Variants in RUNX3 observed in about 807,000 individuals in gnomAD.
The protein encoded by RUNX3 is runt-related transcription factor 3.
In RUNX3, 10 loss-of-function variants were observed where a neutral mutation model predicts 27.7. The observed-to-expected ratio is 0.36, with a 90% CI of 0.22 to 0.61. The LOEUF is 0.61. RUNX3 is among the 20% of genes least tolerant of loss of function. The pLI is 0.72. For synonymous variants in RUNX3, 270 were observed against 269.2 expected (o/e 1.00, Z -0.03); for missense variants, 469 against 629.5 (o/e 0.75, Z 2.73).
At chr1:24,938,858 C>G (rs375359051) in intron 2 of RUNX3, among the ~76,000 whole-genome samples, 1 of 152,138 alleles carries the variant, frequency 6.6e-6, no homozygotes, top group Non-Finnish European at 1.5e-5. Flanking sequence ...CGGAACCTGC[C>G]AGAGCCTTGA....
At chr1:24,955,961 G>T (rs558928426) in intron 2 of RUNX3, among the ~76,000 whole-genome samples, 1 of 152,246 alleles carries the variant, frequency 6.6e-6, no homozygotes, top group Non-Finnish European at 1.5e-5. Flanking sequence ...TCCTAAGTCC[G>T]CTGGGGACGT....
intron 2 of RUNX3, among the ~76,000 whole-genome samples, chr1:24,921,098 A>G (rs1435129691): frequency 6.6e-6 from 1 of 152,178 alleles, no homozygotes; most frequent in African/African-American, 2.4e-5. Context: ...ATGGTCAAGG[A>G]GAGAGGCTGC....
At chr1:24,965,060 G>A (rs1250876251), upstream of RUNX3, 11 of 166,894 alleles carry the variant, frequency 6.6e-5, 1 homozygote, top group South Asian at 1.3e-3. The surrounding 1 kb of genome is among the most constrained non-coding windows in gnomAD (Gnocchi z 5.4). Flanking sequence ...GAGGGCGGCC[G>A]GGGGTGGGGA....
rs1640625863 is a variant in RUNX3 at position 24,904,592 on chromosome 1, G to C, written c.704-1926C>G. ...TGGGCACGTCAGCACAGCTGAGATG[G>C]GTGGGGTGGAAGTGGGTGCTGGCCG... On this transcript the variant is annotated intron_variant, in intron 4 of 4. Transcript: ENST00000308873. The surrounding 1 kb of genome is among the most constrained non-coding windows in gnomAD (Gnocchi z 5.7). Among the ~76,000 whole-genome samples the C allele has an allele frequency of 6.6e-6, 1 of 152,184 alleles. No individual in the cohort carries two copies. The highest frequency in any genetic ancestry group is 1.5e-5 in the Non-Finnish European group (1 of 68,020).
chr1:24,930,360 G>A (rs948483132), upstream of RUNX3: 3 of 419,260 alleles, frequency 7.2e-6, no homozygotes, highest in Non-Finnish European at 9.6e-6. This position sits in a 1 kb window ranked among gnomAD's most constrained non-coding sequence, Gnocchi z 4.1. Context: ...ACAGCCAATC[G>A]GCGGAGCCCC....
At chr1:24,907,217 C>G in intron 4 of RUNX3, 42 bp downstream of exon 4, 6 of 1,589,880 alleles carry the variant, frequency 3.8e-6, no homozygotes, top group Non-Finnish European at 5.1e-6. Flanking sequence ...AGGCCCTCCA[C>G]CCCCACCTCA....
At position 24,916,811 on chromosome 1, in the gene RUNX3, G is replaced by C. The variant is rs984083788; in HGVS notation, c.544+2429C>G. On this transcript the variant is annotated intron_variant, in intron 3 of 4. Coordinates refer to ENST00000308873, the MANE Select transcript of RUNX3 (RefSeq NM_004350.3). This position sits in a 1 kb window ranked among gnomAD's most constrained non-coding sequence, Gnocchi z 4.8. ...CCAGCCGCTGCCGGGGCCCAGAGAG[G>C]GAGGTCACCTGTCTCAGGTGGTGCA... Among the ~76,000 whole-genome samples the C allele has an allele frequency of 2.0e-5, 3 of 152,162 alleles. No homozygotes were observed. The highest frequency in any genetic ancestry group is 7.2e-5 in the African/African-American group (3 of 41,422).
rs1045758414 is a variant in RUNX3, at chr1:24,899,998, T to A, written c.*2124A>T. 1.3e-5 allele frequency: 2 copies of A among 152,306 alleles called. No individual in the cohort carries two copies. Among genetic ancestry groups the A allele is most frequent in the African/African-American group, 4.8e-5 (2 of 41,406 alleles). 9.4% of individuals were successfully genotyped at this position (152,306 alleles called of 1,614,324 possible). ...GAGCAATTTATTTACTATCCCTGCC[T>A]CTCCAGGATCAGGAAGGGTTAGTAA... On this transcript the variant is annotated 3_prime_UTR_variant, in exon 5 of 5. Transcript: ENST00000308873.
At chr1:24,918,524 T>C (rs1640932199) in intron 3 of RUNX3, among the ~76,000 whole-genome samples, 1 of 152,188 alleles carries the variant, frequency 6.6e-6, no homozygotes, top group Non-Finnish European at 1.5e-5. Flanking sequence ...TGAAAATGCC[T>C]TGGGGAGGTG....
intron 3 of RUNX3, among the ~76,000 whole-genome samples, chr1:24,908,496 A>AAAAAAAG (rs1640730737): frequency 6.6e-6 from 1 of 152,126 alleles, no homozygotes; most frequent in Non-Finnish European, 1.5e-5. Context: ...AAATTAAAAA[A>AAAAAAAG]AAAAAAGAAA....
intron 1 of RUNX3, chr1:24,929,316 C>G: frequency 1.5e-6 from 1 of 674,720 alleles, no homozygotes; most frequent in Non-Finnish European, 2.7e-6. Flanking sequence ...ACCCCATCCG[C>G]CCATTTCCGC....
Position 24,907,282 on chromosome 1 carries a change from C to A in RUNX3, c.680G>T (p.Ser227Ile). 1 of 1,612,322 alleles carries A rather than the reference C, an allele frequency of 6.2e-7. No individual in the cohort carries two copies. Among genetic ancestry groups the A allele is most frequent in the South Asian group, 1.1e-5 (1 of 91,060 alleles). Residue 227 changes from serine (S) to isoleucine (I), a missense_variant, in exon 4 of 5, where the codon AGC (serine) becomes ATC (isoleucine). Around this residue, in one of 3 missense-constraint regions of RUNX3, gnomAD observed 279 missense variants for 343.0 expected, o/e 0.81. Coordinates refer to ENST00000308873, the MANE Select transcript of RUNX3 (RefSeq NM_004350.3). Reference protein sequence around the residue: ...GSLSTTSHFSSQPQTPIQGTS... With the variant: ...GSLSTTSHFSIQPQTPIQGTS... ...ACCTTGGATTGGGGTCTGGGGCTGG[C>A]TGCTGAAGTGGCTTGTGGTGCTGAG... is the stretch of plus-strand genomic sequence containing the variant.
At chr1:24,931,886 C>T (rs761460085), upstream of RUNX3, among the ~76,000 whole-genome samples, 3 of 152,244 alleles carry the variant, frequency 2.0e-5, no homozygotes, top group Non-Finnish European at 4.4e-5. Flanking sequence ...CTGCGCCTGG[C>T]AGTTGTCGAT....
At chr1:24,937,623 A>G (rs966185813) in intron 2 of RUNX3, among the ~76,000 whole-genome samples, 2 of 152,256 alleles carry the variant, frequency 1.3e-5, no homozygotes, top group South Asian at 4.1e-4. Context: ...TGCTCTTAGC[A>G]GCTCTACATT....
intron 3 of RUNX3, among the ~76,000 whole-genome samples, chr1:24,911,714 G>A (rs1310615335): frequency 1.3e-5 from 2 of 152,340 alleles, no homozygotes; most frequent in African/African-American, 2.4e-5. Context: ...CGGATCCCCC[G>A]ACTCCAAGCC....
At chr1:24,946,790 C>T (rs1641619589) in intron 2 of RUNX3, among the ~76,000 whole-genome samples, 6 of 152,188 alleles carry the variant, frequency 3.9e-5, no homozygotes, top group Admixed American at 3.3e-4. Flanking sequence ...TCCAGCCCCA[C>T]TCCCACTGGC....
Position 24,920,949 on chromosome 1 carries a change from G to A in RUNX3, c.440-1605C>T, listed in dbSNP as rs138475914. 1.8e-3 allele frequency among the ~76,000 whole-genome samples: 274 copies of A among 152,194 alleles called. No individual in the cohort carries two copies. In the East Asian group the frequency reaches 0.02, roughly 11 times the overall value. On this transcript the variant is annotated intron_variant, in intron 2 of 4. Transcript: ENST00000308873. ...CTTTATGAGATTGGTGGCCGGGAGC[G>A]GGGGAGATTTGCGGATCCCCCAAGC...
intron 3 of RUNX3, among the ~76,000 whole-genome samples, chr1:24,913,405 G>C (rs1399167549): frequency 1.3e-5 from 2 of 152,264 alleles, no homozygotes; most frequent in African/African-American, 4.8e-5. Flanking sequence ...AGCCACTCTT[G>C]CCTTCTGGGC....
chr1:24,914,123 C>T (rs769763417), intron 3 of RUNX3, among the ~76,000 whole-genome samples: 11 of 152,262 alleles, frequency 7.2e-5, no homozygotes, highest in Non-Finnish European at 1.5e-4. Flanking sequence ...TTCCCAAGAC[C>T]TCCATGAGAG....
Sources: allele counts gnomAD v4.1 joint callset (sites outside exome capture counted in the v4.1 genomes callset), GRCh38; gene constraint gnomAD v4.1.1; regional missense constraint gnomAD v4.1.1; non-coding constraint Gnocchi (gnomAD v3.1); transcripts MANE v1.5; gene names NCBI Gene and HGNC (gene_info 2026-07-23, HGNC 2026-07-21).